The following ADNP2 variants were observed in gnomAD, a reference collection of about 807,000 sequenced individuals.
ADNP2 encodes the protein ADNP homeobox 2.
Under a neutral mutation model 16.4 loss-of-function variants are expected in ADNP2, and 8 were observed. The ratio of observed to expected loss-of-function variants is 0.49; its 90% CI spans 0.29 to 0.88. The LOEUF (loss-of-function observed/expected upper bound fraction) is 0.88, where lower values mean the gene tolerates loss of function less well. ADNP2 is among the 40% of genes least tolerant of loss of function. The pLI is 0.09. For missense variants in ADNP2, 1,397 were observed against 1,395.1 expected, an observed-to-expected ratio of 1.00 and a Z score of -0.02; for synonymous variants, 637 against 545.8, an observed-to-expected ratio of 1.17 and a Z score of -2.33.
At chr18:80,110,068 C>T (rs1426713320) in intron 1 of ADNP2, 1 of 151,930 alleles carries the variant, frequency 6.6e-6, no homozygotes, top group Non-Finnish European at 1.5e-5. Flanking sequence ...TTTTTTTTTC[C>T]CTAGAAAGGT....
Position 80,135,616 on chromosome 18 carries a change from A to G in ADNP2, c.203A>G (p.Tyr68Cys). The G allele has an allele frequency of 1.2e-6, 2 of 1,606,584 alleles. No homozygotes were observed. Among genetic ancestry groups the G allele is most frequent in the Non-Finnish European group, 1.7e-6 (2 of 1,175,768 alleles). The change falls in exon 4 of 4, where the codon TAT (tyrosine) becomes TGT (cysteine). Residue 68 changes from tyrosine (Y) to cysteine (C), a missense_variant. By Grantham distance (194) the Tyr-to-Cys change is radical. Coordinates refer to ENST00000262198, the MANE Select transcript of ADNP2 (RefSeq NM_014913.4). ...LWEPSGKKVR[Y>C]RTKPYCCGLC... ...GGCTTTCTTTTCTTTTAACAGAGATATCGAACAAAGCCATACTGTTGTGGC... is the reference window on the plus strand; with the variant it reads ...GGCTTTCTTTTCTTTTAACAGAGATGTCGAACAAAGCCATACTGTTGTGGC...
At chr18:80,126,011 T>G (rs1457645542) in intron 2 of ADNP2, among the ~76,000 whole-genome samples, 1 of 152,162 alleles carries the variant, frequency 6.6e-6, no homozygotes, top group Non-Finnish European at 1.5e-5. Flanking sequence ...TTAATGTGAT[T>G]ATTGATATGG....
intron 1 of ADNP2, among the ~76,000 whole-genome samples, chr18:80,111,788 G>C (rs1290110268): frequency 6.6e-6 from 1 of 151,994 alleles, no homozygotes; most frequent in South Asian, 2.1e-4. Context: ...CAGGTGATCT[G>C]CCCGCCTTAG....
In ADNP2 at chr18:80,135,654, T is replaced by G; in HGVS notation, c.241T>G (p.Ser81Ala). The G allele has an allele frequency of 6.2e-7, 1 of 1,614,240 alleles. No homozygotes were observed. Among genetic ancestry groups the G allele is most frequent in the South Asian group, 1.1e-5 (1 of 91,090 alleles). ...ATACTGTTGTGGCCTCTGTAAATAC[T>G]CTACAAAGGTGCTTACTTCATTCAA... ...KPYCCGLCKY[S>A]TKVLTSFKNH... is the part of the protein sequence containing the mutation. Residue 81 changes from serine (S) to alanine (A), a missense_variant, in exon 4 of 4, where the codon TCT (serine) becomes GCT (alanine). Ser to Ala is a moderately conservative substitution (Grantham distance 99, BLOSUM62 1). Coordinates refer to ENST00000262198, the MANE Select transcript of ADNP2 (RefSeq NM_014913.4).
chr18:80,114,749 A>C (rs1235760015), intron 1 of ADNP2, among the ~76,000 whole-genome samples: 1 of 152,048 alleles, frequency 6.6e-6, no homozygotes, highest in African/African-American at 2.4e-5. Context: ...CAGGGAAGGG[A>C]GATGGTTTGT....
intron 2 of ADNP2, among the ~76,000 whole-genome samples, chr18:80,119,166 T>C (rs2052408245): frequency 6.6e-6 from 1 of 152,224 alleles, no homozygotes; most frequent in Non-Finnish European, 1.5e-5. Flanking sequence ...TCTTTTTCAC[T>C]GAACCGCATA....
At chr18:80,121,720 T>TAGG (rs2052426184) in intron 2 of ADNP2, among the ~76,000 whole-genome samples, 1 of 152,208 alleles carries the variant, frequency 6.6e-6, no homozygotes, top group Non-Finnish European at 1.5e-5. Context: ...ATTGTATAAG[T>TAGG]AGGAGTCCGG....
intron 2 of ADNP2, among the ~76,000 whole-genome samples, chr18:80,124,675 T>A (rs1473959363): frequency 6.6e-6 from 1 of 152,152 alleles, no homozygotes; most frequent in Non-Finnish European, 1.5e-5. Flanking sequence ...CCCTTCTCCC[T>A]GCCCTGGAAG....
At chr18:80,130,444 G>T (rs573001943) in intron 2 of ADNP2, among the ~76,000 whole-genome samples, 2 of 152,262 alleles carry the variant, frequency 1.3e-5, no homozygotes, top group South Asian at 4.1e-4. Flanking sequence ...AAAGTGTTTT[G>T]TATGACTACA....
chr18:80,113,221 A>T (rs2052368564), intron 1 of ADNP2, among the ~76,000 whole-genome samples: 2 of 152,178 alleles, frequency 1.3e-5, no homozygotes, highest in East Asian at 3.8e-4. Flanking sequence ...AAAATTTTTA[A>T]ATTTTTATCC....
chr18:80,130,397 C>T (rs1445007772), intron 2 of ADNP2, among the ~76,000 whole-genome samples: 1 of 152,176 alleles, frequency 6.6e-6, no homozygotes, highest in Non-Finnish European at 1.5e-5. Flanking sequence ...ATACAGTCTG[C>T]ACTTTTAAAT....
At chr18:80,116,091 C>T (rs1310784083) in intron 1 of ADNP2, among the ~76,000 whole-genome samples, 1 of 152,190 alleles carries the variant, frequency 6.6e-6, no homozygotes, top group Non-Finnish European at 1.5e-5. Context: ...ATGGATTTGC[C>T]TGTTCTGGAC....
chr18:80,113,977 C>G (rs756946121), intron 1 of ADNP2, among the ~76,000 whole-genome samples: 11 of 151,910 alleles, frequency 7.2e-5, no homozygotes, highest in Non-Finnish European at 1.6e-4. Flanking sequence ...ATTGCTTGAG[C>G]TCAGGAGTTC....
rs139369757 is a variant in ADNP2 at position 80,126,559 on chromosome 18, A to G, written c.109-6544A>G. On this transcript the variant is annotated intron_variant, in intron 2 of 3. Coordinates refer to ENST00000262198, the MANE Select transcript of ADNP2 (RefSeq NM_014913.4). Reference sequence around the variant, plus strand: ...GGAATGCTATTTTTTTCCCCTTTTTATATTTTAAAGATTTCACTCTTGTCT... The same window carrying G: ...GGAATGCTATTTTTTTCCCCTTTTTGTATTTTAAAGATTTCACTCTTGTCT... Among the ~76,000 whole-genome samples the G allele has an allele frequency of 2.0e-4, 31 of 152,204 alleles. No homozygotes were observed. The East Asian group carries it at 3.3e-3, about 16-fold the overall frequency.
chr18:80,118,008 A>T (rs550089403), intron 2 of ADNP2, among the ~76,000 whole-genome samples: 293 of 152,332 alleles, frequency 1.9e-3, no homozygotes, highest in Non-Finnish European at 3.1e-3. Context: ...GGTTTTTTTT[A>T]ATCCTGATTT....
intron 2 of ADNP2, among the ~76,000 whole-genome samples, chr18:80,122,337 T>C (rs2052430278): frequency 1.3e-5 from 2 of 152,186 alleles, no homozygotes; most frequent in South Asian, 4.1e-4. Context: ...TTGGGGCCCC[T>C]TGTAATTTCA....
Position 80,136,216 on chromosome 18 carries a change from C to T in ADNP2, c.803C>T (p.Pro268Leu). 6.2e-7 allele frequency: 1 copy of T among 1,614,264 alleles called. No individual in the cohort carries two copies. Among genetic ancestry groups the T allele is most frequent in the Non-Finnish European group, 8.5e-7 (1 of 1,180,050 alleles). ...TGLLKQTHIA[P>L]KPAAHLAAPA... ...CTCTTGAAGCAAACGCACATTGCTC[C>T]AAAACCAGCAGCACATTTGGCTGCA... is the stretch of plus-strand genomic sequence containing the variant. The change falls in exon 4 of 4, where the codon CCA becomes CTA. Residue 268 changes from proline to leucine, a missense_variant. Around this residue, in one of 3 missense-constraint regions of ADNP2, gnomAD observed 777 missense variants for 719.4 expected, o/e 1.08. Transcript: ENST00000262198.
chr18:80,137,810 G>T lies in ADNP2; in HGVS notation c.2397G>T (p.Leu799Phe), dbSNP rs1338927775. ...SRNRHLGKKKLPMDYSNRGFQ... is the reference protein window; with the variant it reads ...SRNRHLGKKKFPMDYSNRGFQ... ...ATAGGCACCTGGGGAAGAAGAAGTT[G>T]CCTATGGATTATAGCAACAGAGGTT... Residue 799 changes from leucine (L) to phenylalanine (F), a missense_variant, in exon 4 of 4, where the codon TTG becomes TTT. Physicochemically the swap from Leu to Phe is conservative, Grantham distance 22. Coordinates refer to ENST00000262198, the MANE Select transcript of ADNP2 (RefSeq NM_014913.4). The surrounding 1 kb of genome is among the most constrained non-coding windows in gnomAD (Gnocchi z 4.2). The T allele has an allele frequency of 6.2e-7, 1 of 1,614,188 alleles. No homozygotes were observed. Among genetic ancestry groups the T allele is most frequent in the South Asian group, 1.1e-5 (1 of 91,080 alleles).
chr18:80,139,125 AC>A lies in ADNP2; in HGVS notation c.*317del. ...TAGTGTCAGTATCGTATGATAAGAA[AC>A]TGAAATCTATAAATAATTTGCTTTT... On this transcript the variant is annotated 3_prime_UTR_variant, in exon 4 of 4. Transcript: ENST00000262198. 4.5e-6 allele frequency: 1 copy of A among 220,866 alleles called. No individual in the cohort carries two copies. The highest frequency in any genetic ancestry group is 8.8e-6 in the Non-Finnish European group (1 of 113,836). The allele number at this position is 220,866 out of a possible 1,614,324, so 13.7% of individuals were successfully genotyped here.
Sources: gnomAD v4.1 joint callset for allele counts (sites outside exome capture counted in the v4.1 genomes callset) on GRCh38, gnomAD v4.1.1 for gene constraint, gnomAD v4.1.1 regional missense constraint, Gnocchi (gnomAD v3.1) non-coding constraint, MANE v1.5 for transcripts, NCBI Gene and HGNC (gene_info 2026-07-23, HGNC 2026-07-21) for gene names.